The following TRA2A variants were observed in gnomAD, a reference collection of about 807,000 sequenced individuals.
The protein encoded by TRA2A is transformer-2 protein homolog alpha.
TRA2A carries 31 observed loss-of-function variants against 45.7 expected under a neutral mutation model. The observed-to-expected ratio is 0.68, with a 90% CI of 0.51 to 0.92. TRA2A has a LOEUF of 0.92. Among genes scored for constraint, TRA2A ranks in the 40% least tolerant of loss-of-function variants. The pLI, the probability that TRA2A is intolerant of heterozygous loss-of-function variation, is 0.00. For synonymous variants in TRA2A, 132 were observed against 126.2 expected, an observed-to-expected ratio of 1.05 and a Z score of -0.31; for missense variants, 304 against 367.5, an observed-to-expected ratio of 0.83 and a Z score of 1.41.
At chr7:23,522,110 A>G in intron 1 of TRA2A, 1 of 1,289,686 alleles carries the variant, frequency 7.8e-7, no homozygotes, top group East Asian at 3.7e-5. Context: ...ACACTGGAAC[A>G]TAAACCATAC....
At chr7:23,515,700 C>A (rs1789835240) in intron 3 of TRA2A, among the ~76,000 whole-genome samples, 1 of 151,896 alleles carries the variant, frequency 6.6e-6, no homozygotes, top group Admixed American at 6.6e-5. Flanking sequence ...CGTAAGCCAC[C>A]ACGCCTGGCT....
chr7:23,531,887 A>C lies in TRA2A; in HGVS notation c.-63T>G. On this transcript the variant is annotated 5_prime_UTR_variant, in exon 1 of 8. In the 5' UTR this introduces an upstream ATG that the reference lacks. Transcript: ENST00000297071. ...GTCTCGGCTCGAGGGCCGATGGCCT[A>C]ATTAACCCGCTGACTGGACCGTGGG... 1 of 1,576,202 alleles carries C rather than the reference A, an allele frequency of 6.3e-7. No individual in the cohort carries two copies. Among genetic ancestry groups the C allele is most frequent in the East Asian group, 2.2e-5 (1 of 44,714 alleles).
At position 23,518,676 on chromosome 7, in the gene TRA2A, T is replaced by C. The variant is rs752726174; in HGVS notation, c.171-2148A>G. ...AACATTTCTGAGTCTTCATTTCTTGTTTTTTTTTTTTTTTCCCCCTTCTTG... is the reference window on the plus strand; with the variant it reads ...AACATTTCTGAGTCTTCATTTCTTGCTTTTTTTTTTTTTTCCCCCTTCTTG... On this transcript the variant is annotated intron_variant, in intron 2 of 7. Transcript: ENST00000297071. Among the ~76,000 whole-genome samples the C allele has an allele frequency of 4.4e-5, 3 of 67,822 alleles. No homozygotes were observed. In the South Asian group the frequency reaches 1.0e-3, roughly 23 times the overall value. 44.5% of individuals were successfully genotyped at this position (67,822 alleles called of 152,430 possible).
chr7:23,505,904 T>A, intron 6 of TRA2A, 91 bp from the exon 7 acceptor site: 1 of 833,598 alleles, frequency 1.2e-6, no homozygotes, highest in South Asian at 2.2e-5. Flanking sequence ...AAAATAATAA[T>A]GTACCTAAGG....
chr7:23,516,369 G>C lies in TRA2A; in HGVS notation c.330C>G (p.Gly110=). Residue 110 remains glycine, a synonymous_variant, in exon 3 of 8, where the codon GGC becomes GGG. Transcript: ENST00000297071. ...ACTTTTATAAACCACGTACCCTGCT[G>C]CCAGTATGTCTTCTCCGGTTAGACA... ...SPMSNRRRHT[G]SRANPDPNTC... is the part of the protein sequence containing the mutation. 1 of 1,614,176 alleles carries C rather than the reference G, an allele frequency of 6.2e-7. No individual in the cohort carries two copies. The highest frequency in any genetic ancestry group is 1.3e-5 in the African/African-American group (1 of 75,054).
intron 2 of TRA2A, among the ~76,000 whole-genome samples, chr7:23,517,503 A>AAAAAAAAAAGAG (rs764849438): frequency 7.7e-5 from 9 of 116,254 alleles, no homozygotes; most frequent in East Asian, 3.3e-4. Flanking sequence ...AAAAAAAAAA[A>AAAAAAAAAAGAG]AGAGAGAAAG....
Position 23,512,966 on chromosome 7 carries a change from A to C in TRA2A, c.453T>G (p.Val151=). Residue 151 remains valine (V), a synonymous_variant, in exon 4 of 8, where the codon GTT becomes GTG. Coordinates refer to ENST00000297071, the MANE Select transcript of TRA2A (RefSeq NM_013293.5). ...RYGPLSGVNV[V]YDQRTGRSRG... is the part of the protein sequence containing the mutation. The stretch of plus-strand genomic sequence containing the variant: ...GAGATCGCCCAGTTCGCTGATCATA[A>C]ACCACATTGACACCACTCAATGGTC... The C allele has an allele frequency of 6.2e-7, 1 of 1,614,100 alleles. No individual in the cohort carries two copies. The highest frequency in any genetic ancestry group is 2.2e-5 in the East Asian group (1 of 44,876).
At chr7:23,506,829 GC>G (rs1441321488) in intron 5 of TRA2A, among the ~76,000 whole-genome samples, 11 of 152,292 alleles carry the variant, frequency 7.2e-5, no homozygotes, top group Admixed American at 4.6e-4. Context: ...AGGCTGGAGT[GC>G]AGTGGTGCGA....
In TRA2A at chr7:23,505,085, T is replaced by G. The variant is rs1020080843; in HGVS notation, c.*474A>C. On this transcript the variant is annotated 3_prime_UTR_variant, in exon 8 of 8. Transcript: ENST00000297071. Reference sequence around the variant, plus strand: ...TCATCTCTAAAAAAAAACTTTCAACTACCTGACTGTTCCATTCCACCCCAG... The same window carrying G: ...TCATCTCTAAAAAAAAACTTTCAACGACCTGACTGTTCCATTCCACCCCAG... 6.5e-6 allele frequency: 1 copy of G among 153,592 alleles called. No individual in the cohort carries two copies. Among genetic ancestry groups the G allele is most frequent in the African/African-American group, 2.4e-5 (1 of 41,460 alleles). The allele number at this position is 153,592 out of a possible 1,614,324, so 9.5% of individuals were successfully genotyped here. A position where few individuals can be genotyped will look rare whatever the true frequency, so the allele number is the denominator to read the frequency against.
chr7:23,513,188 G>T, intron 3 of TRA2A, 106 bp from the exon 4 acceptor site: 1 of 756,132 alleles, frequency 1.3e-6, no homozygotes, highest in Non-Finnish European at 2.0e-6. Context: ...TAAATATATT[G>T]TTTCTAATAA....
Position 23,506,030 on chromosome 7 carries a change from T to C in TRA2A, c.770+108A>G, listed in dbSNP as rs1006039706. The stretch of plus-strand genomic sequence containing the variant: ...CTTCTGCTCCCAAAGGCGTCATATA[T>C]GATCTATTTTAAAAATCAAGTTTTT... On this transcript the variant is annotated intron_variant, in intron 6 of 7. Coordinates refer to ENST00000297071, the MANE Select transcript of TRA2A (RefSeq NM_013293.5). 39 of 1,002,888 alleles carry C rather than the reference T, an allele frequency of 3.9e-5. 1 individual carries two copies. The highest frequency in any genetic ancestry group is 2.4e-4 in the East Asian group (10 of 41,620). The allele number at this position is 1,002,888 out of a possible 1,614,324, so 62.1% of individuals were successfully genotyped here. A position where few individuals can be genotyped will look rare whatever the true frequency, so the allele number is the denominator to read the frequency against.
In TRA2A at chr7:23,517,503, A is replaced by AAAAAAG. The variant is rs764849438; in HGVS notation, c.171-976_171-975insCTTTTT. Among the ~76,000 whole-genome samples the AAAAAAG allele has an allele frequency of 3.4e-4, 39 of 116,244 alleles. 2 individuals are homozygous for AAAAAAG. The highest frequency in any genetic ancestry group is 9.1e-4 in the African/African-American group (28 of 30,886). The allele number at this position is 116,244 out of a possible 152,430, so 76.3% of individuals were successfully genotyped here. ...AAAAAAAAAAAAAAAAAAAAAAAAA[A>AAAAAAG]AGAGAGAAAGAAAGAAAAATCACTT... On this transcript the variant is annotated intron_variant, in intron 2 of 7. Transcript: ENST00000297071.
chr7:23,506,450 T>C (rs1385822553), intron 5 of TRA2A, 184 bp from the exon 6 acceptor site: 1 of 592,872 alleles, frequency 1.7e-6, no homozygotes, highest in Non-Finnish European at 2.7e-6. Context: ...CCTACATACA[T>C]AATCAAGAAG....
At chr7:23,516,313 A>C (rs1209389483) in intron 3 of TRA2A, 50 bp downstream of exon 3, 1 of 1,599,484 alleles carries the variant, frequency 6.3e-7, no homozygotes, top group African/African-American at 1.3e-5. Flanking sequence ...GCCATGACTA[A>C]ACACATAAAA....
At position 23,516,275 on chromosome 7, in the gene TRA2A, T is replaced by C. The variant is rs1021052570; in HGVS notation, c.336+88A>G. The C allele has an allele frequency of 6.6e-6, 9 of 1,371,798 alleles. No individual in the cohort carries two copies. In the Admixed American group the frequency reaches 9.7e-5, roughly 15 times the overall value. 85.0% of individuals were successfully genotyped at this position (1,371,798 alleles called of 1,614,324 possible). Reference sequence around the variant, plus strand: ...TTTCCAGAGTATCACTTCTAAACAATGGCCAAGCTCCCCTAAAAGCAAGAT... The same window carrying C: ...TTTCCAGAGTATCACTTCTAAACAACGGCCAAGCTCCCCTAAAAGCAAGAT... On this transcript the variant is annotated intron_variant, in intron 3 of 7. Transcript: ENST00000297071.
intron 1 of TRA2A, among the ~76,000 whole-genome samples, chr7:23,525,026 T>C (rs1015981650): frequency 6.6e-6 from 1 of 152,178 alleles, no homozygotes; most frequent in Admixed American, 6.5e-5. Context: ...CAAACTTATA[T>C]TAACAAATCA....
At chr7:23,518,160 A>C (rs1789972690) in intron 2 of TRA2A, among the ~76,000 whole-genome samples, 1 of 151,832 alleles carries the variant, frequency 6.6e-6, no homozygotes, top group Non-Finnish European at 1.5e-5. Context: ...GCTGGTCTTG[A>C]AGTCCTGTTC....
At chr7:23,506,450 T>TA (rs1789343664) in intron 5 of TRA2A, 184 bp from the exon 6 acceptor site, 1 of 592,872 alleles carries the variant, frequency 1.7e-6, no homozygotes, top group South Asian at 4.4e-5. Context: ...CCTACATACA[T>TA]AATCAAGAAG....
At chr7:23,518,838 A>C (rs887641665) in intron 2 of TRA2A, among the ~76,000 whole-genome samples, 7 of 151,376 alleles carry the variant, frequency 4.6e-5, no homozygotes, top group Non-Finnish European at 1.0e-4. Context: ...GGCCTGTGCC[A>C]CCACACCTGG....
Sources: allele counts gnomAD v4.1 joint callset (sites outside exome capture counted in the v4.1 genomes callset), GRCh38; gene constraint gnomAD v4.1.1; transcripts MANE v1.5; gene names NCBI Gene and HGNC (gene_info 2026-07-23, HGNC 2026-07-21).